Variants in DMD observed in about 807,000 individuals in gnomAD.
DMD encodes the protein dystrophin.
A neutral mutation model predicts 330.1 loss-of-function variants in DMD; 63 were observed. The ratio of observed to expected loss-of-function variants is 0.19; its 90% CI spans 0.16 to 0.24. DMD has a LOEUF of 0.24. DMD is among the 10% of genes least tolerant of loss of function. DMD has a pLI of 1.00. For missense variants in DMD, 3,344 were observed against 2,684.1 expected (o/e 1.25, Z -5.43); for synonymous variants, 1,223 against 959.8 (o/e 1.27, Z -5.07).
chrX:33,040,217 C>A (rs1224050684), intron 1 of DMD, among the ~76,000 whole-genome samples: 1 of 110,983 alleles, frequency 9.0e-6, no homozygotes, highest in Non-Finnish European at 1.9e-5. Flanking sequence ...CCCTCAGTGA[C>A]ACACAAACAT....
chrX:32,618,297 G>A (rs1327353970), intron 11 of DMD, among the ~76,000 whole-genome samples: 1 of 112,408 alleles, frequency 8.9e-6, no homozygotes, highest in Non-Finnish European at 1.9e-5. Context: ...TAAAGAAAAT[G>A]TGGTAAACAC....
intron 1 of DMD, among the ~76,000 whole-genome samples, chrX:33,289,197 C>CT (rs1224841346): frequency 2.7e-5 from 3 of 110,894 alleles, no homozygotes; most frequent in Non-Finnish European, 5.7e-5. Context: ...CCTAGATGCT[C>CT]TTTTTTTCCT....
chrX:32,420,962 T>A (rs936026659), intron 29 of DMD, among the ~76,000 whole-genome samples: 1 of 111,638 alleles, frequency 9.0e-6, no homozygotes, highest in African/African-American at 3.3e-5. Context: ...TCTCTTGGAC[T>A]ACAGTGCCAT....
intron 61 of DMD, among the ~76,000 whole-genome samples, chrX:31,332,806 C>T (rs1446218858): frequency 1.8e-5 from 2 of 111,895 alleles, no homozygotes; most frequent in African/African-American, 3.2e-5. Context: ...GCACAGAGCG[C>T]TCGATACTTT....
At chrX:33,011,747 C>G (rs1272001772) in intron 2 of DMD, among the ~76,000 whole-genome samples, 1 of 111,429 alleles carries the variant, frequency 9.0e-6, no homozygotes, top group Non-Finnish European at 1.9e-5. Context: ...TAGGATGGTA[C>G]CAGAGTGTCA....
intron 9 of DMD, among the ~76,000 whole-genome samples, chrX:32,646,026 T>C (rs1222198785): frequency 9.0e-6 from 1 of 111,616 alleles, no homozygotes; most frequent in Non-Finnish European, 1.9e-5. Flanking sequence ...GGAGGTCGAT[T>C]AGAAAAATCT....
chrX:32,532,377 A>G (rs781729730), intron 17 of DMD, among the ~76,000 whole-genome samples: 7 of 111,963 alleles, frequency 6.3e-5, no homozygotes, highest in South Asian at 3.7e-4. Flanking sequence ...ATTTTATTTC[A>G]GCTAAATAAT....
Position 31,774,062 on chromosome X carries a change from T to C in DMD, c.7440A>G (p.Thr2480=), listed in dbSNP as rs2149245046. Residue 2480 remains threonine (T), a synonymous_variant, in exon 51 of 79, where the codon ACA becomes ACG. Transcript: ENST00000357033. The part of the protein sequence containing the change: ...PALADFNRAW[T]ELTDWLSLLD... Reference sequence around the variant, plus strand: ...GCAGAGAAAGCCAGTCGGTAAGTTCTGTCCAAGCCCGGTTGAAATCTGCCA... The same window carrying C: ...GCAGAGAAAGCCAGTCGGTAAGTTCCGTCCAAGCCCGGTTGAAATCTGCCA... 1.7e-6 allele frequency: 2 copies of C among 1,211,143 alleles called. No individual in the cohort carries two copies. The highest frequency in any genetic ancestry group is 1.8e-5 in the South Asian group (1 of 56,949).
intron 9 of DMD, among the ~76,000 whole-genome samples, chrX:32,690,625 T>G (rs1414260367): frequency 9.1e-6 from 1 of 109,296 alleles, no homozygotes; most frequent in Non-Finnish European, 1.9e-5. Context: ...AAAAATAAAT[T>G]GTATTGTCAT....
At chrX:32,071,513 T>TG (rs1484706598) in intron 44 of DMD, among the ~76,000 whole-genome samples, 3 of 17,803 alleles carry the variant, frequency 1.7e-4, no homozygotes, top group African/African-American at 7.3e-4. Flanking sequence ...TGTTGTGGGG[T>TG]GGGGGGAGGG....
At position 33,163,618 on chromosome X, in the gene DMD, C is replaced by CTCTATCTATCTATGTA. The variant is rs1557282352; in HGVS notation, c.31+47663_31+47664insTACATAGATAGATAGA. Among the ~76,000 whole-genome samples, 133 of 24,848 alleles carry CTCTATCTATCTATGTA rather than the reference C, an allele frequency of 5.4e-3. 2 individuals are homozygous for CTCTATCTATCTATGTA. Among genetic ancestry groups the CTCTATCTATCTATGTA allele is most frequent in the African/African-American group, 9.6e-3 (128 of 13,279 alleles). 21.6% of individuals were successfully genotyped at this position (24,848 alleles called of 115,157 possible). On this transcript the variant is annotated intron_variant, in intron 1 of 78. Transcript: ENST00000357033. ...TATATCTATATATATCTATATCTAT[C>CTCTATCTATCTATGTA]TCTATCTATCTATCTATCTATCTAT...
chrX:32,195,120 G>C (rs2096993293), intron 44 of DMD, among the ~76,000 whole-genome samples: 1 of 111,308 alleles, frequency 9.0e-6, no homozygotes, highest in Non-Finnish European at 1.9e-5. Flanking sequence ...TGCATTACTT[G>C]CTTATAGATT....
At chrX:31,300,537 C>T (rs930437032) in intron 62 of DMD, among the ~76,000 whole-genome samples, 2 of 111,432 alleles carry the variant, frequency 1.8e-5, no homozygotes, top group African/African-American at 6.5e-5. Context: ...TGACATCTGC[C>T]GTCAAAAATG....
At position 32,823,590 on chromosome X, in the gene DMD, T is replaced by C. The variant is rs181619070; in HGVS notation, c.265-203A>G. Among the ~76,000 whole-genome samples the C allele has an allele frequency of 3.6e-5, 4 of 111,951 alleles. No individual in the cohort carries two copies. In the East Asian group the frequency reaches 1.1e-3, roughly 31 times the overall value. ...AACAAACAAGCACCCCAAATATATT[T>C]ACTTTCAGCACATGAATAGATTACT... On this transcript the variant is annotated intron_variant, in intron 4 of 78. Coordinates refer to ENST00000357033, the MANE Select transcript of DMD (RefSeq NM_004006.3).
At chrX:33,000,595 A>G (rs1334935657) in intron 2 of DMD, among the ~76,000 whole-genome samples, 1 of 112,153 alleles carries the variant, frequency 8.9e-6, no homozygotes, top group Non-Finnish European at 1.9e-5. Flanking sequence ...CACTAGCCAC[A>G]TGTGGCTTTG....
rs192745032 is a variant in DMD at position 31,325,936 on chromosome X, T to C, written c.9164-2278A>G. On this transcript the variant is annotated intron_variant, in intron 61 of 78. Transcript: ENST00000357033. ...GGCTGAGGCCTCACAATTTCTCTTATTATACCTTTCTAGTTTTTTTTTTTT... is the reference window on the plus strand; with the variant it reads ...GGCTGAGGCCTCACAATTTCTCTTACTATACCTTTCTAGTTTTTTTTTTTT... Among the ~76,000 whole-genome samples the C allele has an allele frequency of 1.7e-3, 167 of 100,940 alleles. 1 individual carries two copies. The highest frequency in any genetic ancestry group is 5.6e-3 in the African/African-American group (149 of 26,841). The allele number at this position is 100,940 out of a possible 115,157, so 87.7% of individuals were successfully genotyped here.
At chrX:32,372,266 T>G (rs1215532622) in intron 34 of DMD, among the ~76,000 whole-genome samples, 2 of 112,102 alleles carry the variant, frequency 1.8e-5, no homozygotes, top group African/African-American at 6.5e-5. Context: ...CATGAGTATG[T>G]CCTATGTGTC....
chrX:32,347,526 A>G (rs772452168), intron 38 of DMD, among the ~76,000 whole-genome samples: 1 of 111,746 alleles, frequency 8.9e-6, no homozygotes, highest in African/African-American at 3.3e-5. Context: ...GGGAGTATTG[A>G]TTGAGGCAGC....
intron 1 of DMD, among the ~76,000 whole-genome samples, chrX:33,090,496 C>G (rs1322946633): frequency 9.2e-6 from 1 of 108,620 alleles, no homozygotes; most frequent in Non-Finnish European, 1.9e-5. Flanking sequence ...GGAGTCACCT[C>G]TTACTGAATC....
Sources: allele counts gnomAD v4.1 joint callset (sites outside exome capture counted in the v4.1 genomes callset), GRCh38; gene constraint gnomAD v4.1.1; transcripts MANE v1.5; gene names NCBI Gene and HGNC (gene_info 2026-07-23, HGNC 2026-07-21).